Variants in EYA4 observed in about 807,000 individuals in gnomAD.
EYA4 encodes EYA transcriptional coactivator and phosphatase 4.
Under a neutral mutation model 87.9 loss-of-function variants are expected in EYA4, and 31 were observed. The ratio of observed to expected loss-of-function variants is 0.35; its 90% CI spans 0.27 to 0.48. The LOEUF (loss-of-function observed/expected upper bound fraction) is 0.48. Ranked by LOEUF, EYA4 falls within the 20% of genes least tolerant of loss-of-function variation. The pLI is 0.99. For missense variants in EYA4, 678 were observed against 761.4 expected (o/e 0.89, Z 1.29); for synonymous variants, 263 against 270.6 (o/e 0.97, Z 0.28).
At chr6:133,460,342 C>A (rs2128652816) in intron 6 of EYA4, among the ~76,000 whole-genome samples, 1 of 148,788 alleles carries the variant, frequency 6.7e-6, no homozygotes. Context: ...CTGTCTTAGT[C>A]AAGGCAGATA....
At chr6:133,327,601 A>G (rs913201936) in intron 2 of EYA4, among the ~76,000 whole-genome samples, 32 of 152,182 alleles carry the variant, frequency 2.1e-4, no homozygotes, top group African/African-American at 7.5e-4. Context: ...TCCCCGAGTA[A>G]CAAAGACATA....
intron 3 of EYA4, among the ~76,000 whole-genome samples, chr6:133,398,294 GTTTA>G (rs1296754788): frequency 1.3e-5 from 2 of 152,268 alleles, no homozygotes; most frequent in Admixed American, 6.5e-5. Context: ...ATTGAGACTA[GTTTA>G]TTTGAGATAT....
intron 11 of EYA4, among the ~76,000 whole-genome samples, chr6:133,472,353 C>A (rs1448497256): frequency 1.1e-5 from 1 of 94,510 alleles, no homozygotes; most frequent in Admixed American, 1.3e-4. Flanking sequence ...CGTTATGTAC[C>A]CAGTAGTCAT....
At chr6:133,254,240 C>G (rs746802926) in intron 1 of EYA4, among the ~76,000 whole-genome samples, 10 of 152,090 alleles carry the variant, frequency 6.6e-5, no homozygotes, top group Non-Finnish European at 1.3e-4. Flanking sequence ...ACCTTGATCT[C>G]TTTGGTTGCC....
intron 2 of EYA4, among the ~76,000 whole-genome samples, chr6:133,344,153 G>A (rs1783023595): frequency 6.6e-6 from 1 of 152,136 alleles, no homozygotes; most frequent in Non-Finnish European, 1.5e-5. Context: ...TTAAACACTG[G>A]ATAAATGCAA....
intron 13 of EYA4, among the ~76,000 whole-genome samples, chr6:133,493,870 A>T (rs1797402239): frequency 6.6e-6 from 1 of 152,212 alleles, no homozygotes; most frequent in African/African-American, 2.4e-5. Context: ...GAAACTCAAA[A>T]CTACAATGAG....
intron 13 of EYA4, among the ~76,000 whole-genome samples, chr6:133,501,102 A>G (rs1002173852): frequency 2.0e-5 from 3 of 151,866 alleles, no homozygotes; most frequent in African/African-American, 7.3e-5. Flanking sequence ...GCACCTGTTC[A>G]TACCTAGCTC....
intron 1 of EYA4, among the ~76,000 whole-genome samples, chr6:133,272,582 A>G (rs1366112637): frequency 1.3e-5 from 2 of 152,198 alleles, no homozygotes; most frequent in East Asian, 1.9e-4. Flanking sequence ...GCTGTCTCTC[A>G]AAAGGAAGGT....
chr6:133,267,339 G>A (rs575418797), intron 1 of EYA4, among the ~76,000 whole-genome samples: 1 of 150,932 alleles, frequency 6.6e-6, no homozygotes, highest in East Asian at 1.9e-4. Flanking sequence ...AAAATGTGGT[G>A]TTCTTATTTT....
intron 2 of EYA4, among the ~76,000 whole-genome samples, chr6:133,380,824 ACGCCTTATTCCTCTTCCTCCTC>A (rs1786127917): frequency 1.4e-5 from 2 of 145,570 alleles, no homozygotes; most frequent in African/African-American, 5.1e-5. Context: ...TTCTCCTCCT[ACGCCTTATTCCTCTTCCTCCTC>A]CTCCTTGTTC....
rs144273170 is a variant in EYA4 at position 133,515,072 on chromosome 6, G to A, written c.1502-249G>A. 2.0e-3 allele frequency among the ~76,000 whole-genome samples: 299 copies of A among 152,294 alleles called. 1 individual carries two copies. Among genetic ancestry groups the A allele is most frequent in the African/African-American group, 6.6e-3 (275 of 41,560 alleles). On this transcript the variant is annotated intron_variant, in intron 16 of 19. Coordinates refer to ENST00000355286, the MANE Select transcript of EYA4 (RefSeq NM_004100.5). ...CTGCGCTAGATTGTAGGATCAGTGA[G>A]GGCAGAGACTGGGGCCACTTTTCAG...
chr6:133,242,585 C>A (rs1401582912), intron 1 of EYA4, among the ~76,000 whole-genome samples: 2 of 152,080 alleles, frequency 1.3e-5, no homozygotes, highest in Non-Finnish European at 2.9e-5. Context: ...CGTGGTGAAG[C>A]GAGGTTTGGA....
At chr6:133,382,679 G>GA (rs147587738) in intron 3 of EYA4, among the ~76,000 whole-genome samples, 151 of 149,812 alleles carry the variant, frequency 1.0e-3, no homozygotes, top group Non-Finnish European at 1.9e-3. Context: ...AGAAATACGT[G>GA]AAAAAAAATC....
chr6:133,500,394 C>G (rs1244758478), intron 13 of EYA4, among the ~76,000 whole-genome samples: 2 of 152,050 alleles, frequency 1.3e-5, no homozygotes, highest in African/African-American at 4.8e-5. Context: ...GCCTCTCTAT[C>G]CTTTCCTCAT....
intron 9 of EYA4, among the ~76,000 whole-genome samples, chr6:133,463,817 T>C (rs113103967): frequency 0.023 from 3,434 of 152,258 alleles, 123 homozygotes; most frequent in African/African-American, 0.078. Flanking sequence ...TTTTGGTCAA[T>C]TGATTCAAAT....
At chr6:133,511,087 A>G (rs986926209) in intron 14 of EYA4, among the ~76,000 whole-genome samples, 1 of 152,144 alleles carries the variant, frequency 6.6e-6, no homozygotes, top group Non-Finnish European at 1.5e-5. Flanking sequence ...TGGATTTTCA[A>G]GTTACATACT....
At chr6:133,355,369 A>G (rs1414982) in intron 2 of EYA4, among the ~76,000 whole-genome samples, 83,361 of 152,056 alleles carry the variant, frequency 0.55, 25,218 homozygotes, top group African/African-American at 0.81. Context: ...CTGTTATAAA[A>G]ACACATGAAC....
intron 5 of EYA4, among the ~76,000 whole-genome samples, chr6:133,451,032 A>G (rs4895967): frequency 0.17 from 25,333 of 152,208 alleles, 3,522 homozygotes; most frequent in African/African-American, 0.36. Flanking sequence ...ATATAGAGAT[A>G]GCATAAATGC....
chr6:133,445,115 T>G (rs1163028465), intron 3 of EYA4, among the ~76,000 whole-genome samples: 2 of 152,330 alleles, frequency 1.3e-5, no homozygotes, highest in East Asian at 3.9e-4. Context: ...GGTATTTTTC[T>G]TAACATTTAA....
Sources: gnomAD v4.1 joint callset for allele counts (sites outside exome capture counted in the v4.1 genomes callset) on GRCh38, gnomAD v4.1.1 for gene constraint, MANE v1.5 for transcripts, NCBI Gene and HGNC (gene_info 2026-07-23, HGNC 2026-07-21) for gene names.